The following NFATC2 variants were observed in gnomAD, a reference collection of about 807,000 sequenced individuals.
The protein encoded by NFATC2 is nuclear factor of activated T-cells, cytoplasmic 2.
Under a neutral mutation model 87.3 loss-of-function variants are expected in NFATC2, and 22 were observed. The ratio of observed to expected loss-of-function variants is 0.25; its 90% CI spans 0.18 to 0.36. NFATC2 has a LOEUF of 0.36. NFATC2 is among the 10% of genes least tolerant of loss of function. The pLI, the probability that NFATC2 is intolerant of heterozygous loss-of-function variation, is 1.00. For synonymous variants in NFATC2, 565 were observed against 542.2 expected (o/e 1.04, Z -0.58); for missense variants, 1,149 against 1,259.1 (o/e 0.91, Z 1.32).
At chr20:51,533,651 T>C (rs554026629) in intron 1 of NFATC2, among the ~76,000 whole-genome samples, 12 of 152,336 alleles carry the variant, frequency 7.9e-5, no homozygotes, top group African/African-American at 2.6e-4. Context: ...GCTGTCTGCC[T>C]TCCCCAGACG....
chr20:51,460,214 A>G (rs548668404), intron 5 of NFATC2, among the ~76,000 whole-genome samples: 15 of 152,292 alleles, frequency 9.8e-5, no homozygotes, highest in Admixed American at 7.8e-4. Flanking sequence ...GGAAGACACT[A>G]TCACTCCCAT....
intron 1 of NFATC2, among the ~76,000 whole-genome samples, chr20:51,536,898 A>AACACAC (rs10648135): frequency 0.24 from 36,364 of 149,666 alleles, 5,396 homozygotes; most frequent in Non-Finnish European, 0.35. Context: ...GCAAGCACCA[A>AACACAC]ACACACACAC....
intron 1 of NFATC2, among the ~76,000 whole-genome samples, chr20:51,528,005 G>A (rs1056324189): frequency 1.3e-5 from 2 of 150,612 alleles, no homozygotes; most frequent in African/African-American, 2.5e-5. Context: ...TGGAGAAGCT[G>A]AGGTGGGAGG....
At chr20:51,503,594 T>C (rs1380960919) in intron 3 of NFATC2, among the ~76,000 whole-genome samples, 1 of 152,156 alleles carries the variant, frequency 6.6e-6, no homozygotes, top group Non-Finnish European at 1.5e-5. Context: ...TCTCAGATGC[T>C]TCTGGGCCCA....
At chr20:51,492,924 A>G (rs1467479115) in intron 3 of NFATC2, among the ~76,000 whole-genome samples, 3 of 152,202 alleles carry the variant, frequency 2.0e-5, no homozygotes, top group Non-Finnish European at 4.4e-5. Flanking sequence ...CCACGGGCTC[A>G]TGGAACTGTA....
rs552002553 is a variant in NFATC2 at position 51,505,825 on chromosome 20, G to A, written c.1332+10959C>T. Among the ~76,000 whole-genome samples the A allele has an allele frequency of 3.3e-5, 5 of 152,234 alleles. No homozygotes were observed. The East Asian group carries it at 5.8e-4, about 18-fold the overall frequency. The stretch of plus-strand genomic sequence containing the variant: ...GGTGAGAGGGAACGCCCTCCACACC[G>A]TCTGCCCCTAACTCACACCCATGCC... On this transcript the variant is annotated intron_variant, in intron 3 of 10. Transcript: ENST00000371564.
intron 5 of NFATC2, among the ~76,000 whole-genome samples, chr20:51,466,239 G>A (rs921091643): frequency 2.1e-4 from 32 of 152,170 alleles, no homozygotes; most frequent in African/African-American, 7.2e-4. Context: ...TTTTAGTAGA[G>A]ACGGGGTTTC....
chr20:51,477,140 A>C (rs966462032), intron 3 of NFATC2, among the ~76,000 whole-genome samples: 4 of 152,184 alleles, frequency 2.6e-5, no homozygotes, highest in Non-Finnish European at 5.9e-5. Flanking sequence ...CAATAGCCTG[A>C]CTACTAACAG....
At chr20:51,496,102 G>C (rs957758824) in intron 3 of NFATC2, among the ~76,000 whole-genome samples, 2 of 152,158 alleles carry the variant, frequency 1.3e-5, no homozygotes, top group African/African-American at 4.8e-5. Context: ...AGGAATGTGG[G>C]TGTGTGAACT....
intron 1 of NFATC2, among the ~76,000 whole-genome samples, chr20:51,552,225 C>T (rs1388794006): frequency 1.3e-5 from 2 of 151,114 alleles, no homozygotes; most frequent in Admixed American, 6.6e-5. Context: ...TGCAGTGAGC[C>T]GTGTTCGTGC....
chr20:51,446,441 T>C (rs926683714), intron 6 of NFATC2, among the ~76,000 whole-genome samples: 2 of 152,100 alleles, frequency 1.3e-5, no homozygotes, highest in Non-Finnish European at 2.9e-5. Context: ...AGGTACATAG[T>C]GTGAGGCCAA....
intron 1 of NFATC2, among the ~76,000 whole-genome samples, chr20:51,547,924 A>T (rs1326255396): frequency 6.6e-6 from 1 of 152,200 alleles, no homozygotes; most frequent in Admixed American, 6.5e-5. Context: ...CAACTGCAGA[A>T]GCCTCCTCCC....
At chr20:51,401,237 G>A (rs1239793338) in intron 9 of NFATC2, among the ~76,000 whole-genome samples, 1 of 152,088 alleles carries the variant, frequency 6.6e-6, no homozygotes, top group African/African-American at 2.4e-5. Context: ...GGGTGTGACG[G>A]CAGGTGCCTG....
intron 9 of NFATC2, among the ~76,000 whole-genome samples, chr20:51,418,416 G>A (rs6021190): frequency 0.11 from 16,573 of 152,228 alleles, 2,341 homozygotes; most frequent in African/African-American, 0.33. Flanking sequence ...GGCCAGGAAC[G>A]CTGGTACACA....
chr20:51,539,304 T>C (rs979795574), intron 1 of NFATC2, among the ~76,000 whole-genome samples: 1 of 152,210 alleles, frequency 6.6e-6, no homozygotes, highest in East Asian at 1.9e-4. Flanking sequence ...CACCAATATG[T>C]TGCCATCTGG....
At chr20:51,405,856 A>T (rs1194486252) in intron 9 of NFATC2, among the ~76,000 whole-genome samples, 1 of 152,196 alleles carries the variant, frequency 6.6e-6, no homozygotes, top group Non-Finnish European at 1.5e-5. Flanking sequence ...AGAGCACAGC[A>T]ACCTCCGCCT....
chr20:51,490,682 C>T (rs978919089), intron 3 of NFATC2, among the ~76,000 whole-genome samples: 4 of 152,068 alleles, frequency 2.6e-5, no homozygotes, highest in African/African-American at 7.2e-5. Context: ...CAGCTACACA[C>T]GGTGGCACAT....
intron 9 of NFATC2, among the ~76,000 whole-genome samples, chr20:51,428,844 A>C (rs1982259214): frequency 6.6e-6 from 1 of 152,248 alleles, no homozygotes; most frequent in African/African-American, 2.4e-5. Context: ...CAAAATCCCA[A>C]GGGAAATAAA....
At chr20:51,482,952 G>C (rs1989387970) in intron 3 of NFATC2, among the ~76,000 whole-genome samples, 1 of 152,204 alleles carries the variant, frequency 6.6e-6, no homozygotes, top group Non-Finnish European at 1.5e-5. Context: ...CCCAAGGCCA[G>C]TGAGGTCCCC....
Sources: allele counts gnomAD v4.1 joint callset (sites outside exome capture counted in the v4.1 genomes callset), GRCh38; gene constraint gnomAD v4.1.1; transcripts MANE v1.5; gene names NCBI Gene and HGNC (gene_info 2026-07-23, HGNC 2026-07-21).